NAT9: variants seen among roughly 807,000 people sequenced by gnomAD.
The protein encoded by NAT9 is N-acetyltransferase 9, also known as alpha/beta-tubulin-N-acetyltransferase 9.
NAT9 carries 18 observed loss-of-function variants against 24.0 expected under a neutral mutation model. The ratio of observed to expected loss-of-function variants is 0.75; its 90% CI spans 0.52 to 1.11. NAT9 has a LOEUF of 1.11. Ranked by LOEUF, NAT9 falls within the 50% of genes most tolerant of loss-of-function variation. NAT9 has a pLI of 0.00. For missense variants in NAT9, 254 were observed against 258.6 expected, an observed-to-expected ratio of 0.98 and a Z score of 0.12; for synonymous variants, 104 against 102.3, an observed-to-expected ratio of 1.02 and a Z score of -0.10.
In NAT9 at chr17:74,771,747, C is replaced by T. The variant is rs2035224218; in HGVS notation, c.601G>A (p.Asp201Asn). ...CATCAGCAGGGCTCTGCCGACCCAT[C>T]TCTGTAAGGCTTCTCTTCCACGTGG... The part of the protein sequence containing the change: ...TSHVEEKPYR[D>N]GSAEPC The change falls in exon 7 of 7, where the codon GAT (aspartate) becomes AAT (asparagine). Residue 201 changes from aspartate to asparagine, a missense_variant. Coordinates refer to ENST00000357814, the MANE Select transcript of NAT9 (RefSeq NM_015654.5). The T allele has an allele frequency of 6.2e-7, 1 of 1,613,952 alleles. No homozygotes were observed. The highest frequency in any genetic ancestry group is 8.5e-7 in the Non-Finnish European group (1 of 1,180,038).
At chr17:74,773,552 G>A in intron 3 of NAT9, 24 bp downstream of exon 3, 1 of 1,593,240 alleles carries the variant, frequency 6.3e-7, no homozygotes. Context: ...CCAGGGCTAG[G>A]GGAAGTGGGG....
chr17:74,772,448 A>C, intron 4 of NAT9, 171 bp from the exon 5 acceptor site: 3 of 1,424,006 alleles, frequency 2.1e-6, no homozygotes, highest in Non-Finnish European at 2.8e-6. Context: ...ACAGCTTGCA[A>C]CCCAGCAACC....
At position 74,771,799 on chromosome 17, in the gene NAT9, C is replaced by T; in HGVS notation, c.549G>A (p.Glu183=). Residue 183 remains glutamate, a synonymous_variant, in exon 7 of 7, where the codon GAG becomes GAA. Coordinates refer to ENST00000357814, the MANE Select transcript of NAT9 (RefSeq NM_015654.5). The part of the protein sequence containing the change: ...VTLRLTVSES[E]HQWLLEQTSH... ...TGGTCTGCTCCAGAAGCCACTGATG[C>T]TCGGACTCACTCACTGTCAGTCTGA... The T allele has an allele frequency of 6.2e-7, 1 of 1,614,198 alleles. No individual in the cohort carries two copies. The highest frequency in any genetic ancestry group is 8.5e-7 in the Non-Finnish European group (1 of 1,180,044).
Position 74,773,008 on chromosome 17 carries a change from C to A in NAT9, c.222G>T (p.Lys74Asn), listed in dbSNP as rs545241341. 1 of 1,614,096 alleles carries A rather than the reference C, an allele frequency of 6.2e-7. No homozygotes were observed. Among genetic ancestry groups the A allele is most frequent in the African/African-American group, 1.3e-5 (1 of 75,052 alleles). Residue 74 changes from lysine to asparagine, a missense_variant, in exon 4 of 7, where the codon AAG becomes AAT. Transcript: ENST00000357814. ...CGGTGGCGCCTGGCTGGGCCTGCCA[C>A]TTCTCGGCATCCAGCACAATGAAGG... ...KCTFIVLDAEKWQAQPGATEE... is the reference protein window; with the variant it reads ...KCTFIVLDAENWQAQPGATEE...
intron 3 of NAT9, 115 bp downstream of exon 3, chr17:74,773,461 G>T: frequency 2.2e-6 from 2 of 920,470 alleles, no homozygotes; most frequent in Non-Finnish European, 3.4e-6. Flanking sequence ...GCACCTTCCA[G>T]GCTTTTCACA....
rs374881764 is a variant in NAT9 at position 74,771,910 on chromosome 17, C to G, written c.489+50G>C. The G allele has an allele frequency of 8.2e-4, 1,319 of 1,614,222 alleles. 15 individuals are homozygous for G. The South Asian group carries it at 0.014, about 17-fold the overall frequency. ...TGCTAAGTTACAGTATTACCACCAC[C>G]AGGCCCACCACCCAGGTCTAAGCCC... On this transcript the variant is annotated intron_variant, in intron 6 of 6. Transcript: ENST00000357814.
chr17:74,772,650 T>C (rs962468982), intron 4 of NAT9: 5 of 1,234,000 alleles, frequency 4.1e-6, no homozygotes, highest in East Asian at 2.7e-5. Flanking sequence ...GGACTAACCA[T>C]ACTTGAATCT....
In NAT9 at chr17:74,772,386, C is replaced by G. The variant is rs1304610555; in HGVS notation, c.335-109G>C. ...TCAACAACTCTGAAGTTGCTACTAT[C>G]ATTACCATTCTGCAGACGAGGAAAC... On this transcript the variant is annotated intron_variant, in intron 4 of 6. Transcript: ENST00000357814. The G allele has an allele frequency of 2.7e-6, 4 of 1,482,560 alleles. No individual in the cohort carries two copies. In the Admixed American group the frequency reaches 8.4e-5, roughly 31 times the overall value. 91.8% of individuals were successfully genotyped at this position (1,482,560 alleles called of 1,614,324 possible). A position where few individuals can be genotyped will look rare whatever the true frequency, so the allele number is the denominator to read the frequency against.
At position 74,771,457 on chromosome 17, in the gene NAT9, G is replaced by T; in HGVS notation, c.*267C>A. 1 of 545,676 alleles carries T rather than the reference G, an allele frequency of 1.8e-6. No individual in the cohort carries two copies. 33.8% of individuals were successfully genotyped at this position (545,676 alleles called of 1,614,324 possible). Reference sequence around the variant, plus strand: ...CACCTTCATCCCGACATCTCCCATGGATCCCTGCCCTCCATTCCAGCTTCC... The same window carrying T: ...CACCTTCATCCCGACATCTCCCATGTATCCCTGCCCTCCATTCCAGCTTCC... On this transcript the variant is annotated 3_prime_UTR_variant, in exon 7 of 7. Coordinates refer to ENST00000357814, the MANE Select transcript of NAT9 (RefSeq NM_015654.5).
At position 74,772,475 on chromosome 17, in the gene NAT9, C is replaced by T. The variant is rs116770860; in HGVS notation, c.335-198G>A. 1.3e-3 allele frequency: 1,929 copies of T among 1,432,722 alleles called. 31 individuals are homozygous for T. The African/African-American group carries it at 0.024, about 18-fold the overall frequency. The allele number at this position is 1,432,722 out of a possible 1,614,324, so 88.8% of individuals were successfully genotyped here. On this transcript the variant is annotated intron_variant, in intron 4 of 6. Coordinates refer to ENST00000357814, the MANE Select transcript of NAT9 (RefSeq NM_015654.5). ...CCAGCAACCTGACTTCAAAGCTGACCTCTTTACCTCATGGAGTCAGTATGC... is the reference window on the plus strand; with the variant it reads ...CCAGCAACCTGACTTCAAAGCTGACTTCTTTACCTCATGGAGTCAGTATGC...
intron 4 of NAT9, 133 bp downstream of exon 4, chr17:74,772,763 G>T: frequency 1.5e-6 from 2 of 1,370,096 alleles, no homozygotes; most frequent in South Asian, 2.8e-5. Flanking sequence ...AGGCTGCCCA[G>T]CCAGGCCCTG....
chr17:74,773,556 A>G lies in NAT9; in HGVS notation c.190+20T>C. 1 of 1,600,474 alleles carries G rather than the reference A, an allele frequency of 6.2e-7. No individual in the cohort carries two copies. Among genetic ancestry groups the G allele is most frequent in the Non-Finnish European group, 8.6e-7 (1 of 1,168,318 alleles). On this transcript the variant is annotated intron_variant, in intron 3 of 6. Coordinates refer to ENST00000357814, the MANE Select transcript of NAT9 (RefSeq NM_015654.5). ...CCCTCCCAGTACCAGGGCTAGGGGA[A>G]GTGGGGGGGCACTCCTCACTGTCTG...
At chr17:74,773,364 T>C (rs1034276834) in intron 3 of NAT9, 3 of 597,968 alleles carry the variant, frequency 5.0e-6, no homozygotes, top group Non-Finnish European at 8.9e-6. Context: ...TCCAAATCCT[T>C]CCAAGCCCGA....
chr17:74,773,208 T>G, intron 3 of NAT9, 169 bp from the exon 4 acceptor site: 3 of 855,280 alleles, frequency 3.5e-6, no homozygotes, highest in Non-Finnish European at 5.3e-6. Flanking sequence ...CAAATCTGCC[T>G]CATACAGAAA....
chr17:74,773,234 G>T, intron 3 of NAT9, 195 bp from the exon 4 acceptor site: 1 of 675,838 alleles, frequency 1.5e-6, no homozygotes, highest in Non-Finnish European at 2.4e-6. Flanking sequence ...TCTCCAACCA[G>T]CAACCAAATT....
Position 74,771,851 on chromosome 17 carries a change from G to A in NAT9, c.497C>T (p.Thr166Met), listed in dbSNP as rs148689395. 21 of 1,614,076 alleles carry A rather than the reference G, an allele frequency of 1.3e-5. No homozygotes were observed. Among genetic ancestry groups the A allele is most frequent in the African/African-American group, 9.3e-5 (7 of 74,930 alleles). ...FQKLHFEQVA[T>M]SSVFQEVTLR... ...GGTCACCTCCTGAAAAACACTGCTC[G>A]TAGCCACCTACGTGAGCCAGAGAGA... The change falls in exon 7 of 7, where the codon ACG becomes ATG. Residue 166 changes from threonine (T) to methionine (M), a missense_variant. Coordinates refer to ENST00000357814, the MANE Select transcript of NAT9 (RefSeq NM_015654.5).
chr17:74,775,956 C>G (rs2036003038), intron 1 of NAT9: 1 of 435,398 alleles, frequency 2.3e-6, no homozygotes, highest in Admixed American at 3.8e-5. Flanking sequence ...TCCTTCCGTC[C>G]ACTCCCCAGA....
intron 2 of NAT9, chr17:74,773,928 CGGA>C (rs2035594666): frequency 2.3e-6 from 1 of 433,354 alleles, no homozygotes; most frequent in African/African-American, 2.0e-5. Flanking sequence ...CGGGTCAGTG[CGGA>C]GGAGCAGTCT....
At chr17:74,775,381 G>A in intron 2 of NAT9, 1 of 404,012 alleles carries the variant, frequency 2.5e-6, no homozygotes, top group South Asian at 4.4e-5. Flanking sequence ...TAGAGACAAG[G>A]TCTCGCTACG....
Sources: gnomAD v4.1 joint callset for allele counts on GRCh38, gnomAD v4.1.1 for gene constraint, MANE v1.5 for transcripts, NCBI Gene and HGNC (gene_info 2026-07-23, HGNC 2026-07-21) for gene names.